The following ATL1 variants were observed in gnomAD, a reference collection of about 807,000 sequenced individuals.
The protein encoded by ATL1 is atlastin GTPase 1, also known as atlastin-1.
Under a neutral mutation model 75.5 loss-of-function variants are expected in ATL1, and 31 were observed. The observed-to-expected ratio is 0.41, with a 90% CI of 0.31 to 0.55. The LOEUF (loss-of-function observed/expected upper bound fraction) is 0.55, where lower values mean the gene tolerates loss of function less well. Among genes scored for constraint, ATL1 ranks in the 20% least tolerant of loss-of-function variants. The pLI, the probability that ATL1 is intolerant of heterozygous loss-of-function variation, is 0.27. For missense variants in ATL1, 405 were observed against 662.6 expected (o/e 0.61, Z 4.27); for synonymous variants, 226 against 233.3 (o/e 0.97, Z 0.28).
intron 4 of ATL1, among the ~76,000 whole-genome samples, chr14:50,592,739 G>A (rs898082053): frequency 9.3e-5 from 14 of 150,874 alleles, no homozygotes; most frequent in African/African-American, 2.2e-4. Context: ...GTGAAACCCC[G>A]TCTCTACTAA....
Position 50,632,283 on chromosome 14 carries a change from G to A in ATL1, c.1621G>A (p.Ala541Thr), listed in dbSNP as rs1472523447. The A allele has an allele frequency of 3.7e-6, 6 of 1,612,188 alleles. No individual in the cohort carries two copies. In the South Asian group the frequency reaches 5.5e-5, roughly 15 times the overall value. The change falls in exon 14 of 14, where the codon GCT (alanine) becomes ACT (threonine). Residue 541 changes from alanine (A) to threonine (T), a missense_variant. Around this residue, in one of 5 missense-constraint regions of ATL1, gnomAD observed 163 missense variants for 244.1 expected, o/e 0.67. Transcript: ENST00000358385. ...AACCCACAGACATCTGTATCATCAA[G>A]CTTTCCCTACACCAAAGTCGGAATC... ...AATHRHLYHQ[A>T]FPTPKSESTE...
At chr14:50,569,615 C>A (rs1595586448) in intron 1 of ATL1, among the ~76,000 whole-genome samples, 1 of 151,916 alleles carries the variant, frequency 6.6e-6, no homozygotes, top group Non-Finnish European at 1.5e-5. Context: ...TTAATGATTG[C>A]CCATGTATTT....
intron 8 of ATL1, among the ~76,000 whole-genome samples, chr14:50,616,455 G>GTTAT (rs200056004): frequency 0.017 from 2,336 of 141,288 alleles, 22 homozygotes; most frequent in Middle Eastern, 0.021. Context: ...ACCATGCCCG[G>GTTAT]TTATTTATTT....
At chr14:50,592,315 AG>A (rs2039166608) in intron 4 of ATL1, among the ~76,000 whole-genome samples, 2 of 152,186 alleles carry the variant, frequency 1.3e-5, no homozygotes, top group African/African-American at 4.8e-5. Context: ...AGAGTGGCCA[AG>A]GAACAGGGCA....
At chr14:50,597,421 T>C (rs1566726206) in intron 6 of ATL1, among the ~76,000 whole-genome samples, 2 of 151,882 alleles carry the variant, frequency 1.3e-5, no homozygotes, top group Non-Finnish European at 2.9e-5. Flanking sequence ...AACTAAACAA[T>C]ATGTTAAGAA....
At chr14:50,593,257 A>G (rs889696674) in intron 4 of ATL1, among the ~76,000 whole-genome samples, 1 of 152,042 alleles carries the variant, frequency 6.6e-6, no homozygotes, top group Non-Finnish European at 1.5e-5. Flanking sequence ...TCTGTTATTT[A>G]AATAAGTATA....
intron 1 of ATL1, among the ~76,000 whole-genome samples, chr14:50,578,638 T>C (rs1419308271): frequency 6.6e-6 from 1 of 152,208 alleles, no homozygotes; most frequent in Non-Finnish European, 1.5e-5. Flanking sequence ...CACACTGTAT[T>C]ATACTGAGTT....
chr14:50,617,944 A>C (rs190111083), intron 8 of ATL1, among the ~76,000 whole-genome samples: 1 of 152,204 alleles, frequency 6.6e-6, no homozygotes, highest in African/African-American at 2.4e-5. Context: ...ATTGGTTCCA[A>C]TGAGAACAAA....
intron 6 of ATL1, among the ~76,000 whole-genome samples, chr14:50,597,227 A>AAAAAAG (rs1555364381): frequency 2.7e-5 from 4 of 150,386 alleles, no homozygotes; most frequent in Non-Finnish European, 5.9e-5. Flanking sequence ...AAACAAAAAA[A>AAAAAAG]AAAAAAGAAA....
rs1008463737 is a variant in ATL1, at chr14:50,584,474, C to T, written c.35-3357C>T. On this transcript the variant is annotated intron_variant, in intron 1 of 13. Coordinates refer to ENST00000358385, the MANE Select transcript of ATL1 (RefSeq NM_015915.5). ...ATCCCAGCACTTTGGGAGGCCGAGG[C>T]GGGCAGATCACGAGGTCAGGAGATC... Among the ~76,000 whole-genome samples, 6 of 152,104 alleles carry T rather than the reference C, an allele frequency of 3.9e-5. No individual in the cohort carries two copies. The East Asian group carries it at 5.8e-4, about 15-fold the overall frequency.
chr14:50,604,822 A>G (rs945059797), intron 6 of ATL1, among the ~76,000 whole-genome samples: 3 of 152,094 alleles, frequency 2.0e-5, no homozygotes, highest in Non-Finnish European at 4.4e-5. Flanking sequence ...ATATTTCGTT[A>G]GTTAAGACTA....
At chr14:50,599,432 T>C (rs1444787935) in intron 6 of ATL1, among the ~76,000 whole-genome samples, 1 of 152,108 alleles carries the variant, frequency 6.6e-6, no homozygotes, top group Non-Finnish European at 1.5e-5. Context: ...AAAGCTAGGA[T>C]TTGGGAAAAT....
At chr14:50,579,306 T>C (rs1337215250) in intron 1 of ATL1, among the ~76,000 whole-genome samples, 1 of 152,202 alleles carries the variant, frequency 6.6e-6, no homozygotes, top group Non-Finnish European at 1.5e-5. Flanking sequence ...TGATTGTATA[T>C]GTGTGGGTCT....
At chr14:50,577,350 A>G (rs931242751) in intron 1 of ATL1, among the ~76,000 whole-genome samples, 1 of 152,212 alleles carries the variant, frequency 6.6e-6, no homozygotes, top group Non-Finnish European at 1.5e-5. Flanking sequence ...GGCCTGAGCC[A>G]CTGTGCCCAG....
chr14:50,556,070 T>A (rs1444451412), upstream of ATL1, among the ~76,000 whole-genome samples: 3 of 152,208 alleles, frequency 2.0e-5, no homozygotes, highest in African/African-American at 7.2e-5. Flanking sequence ...AGAGAGGATT[T>A]AAAGTACTAA....
chr14:50,584,578 G>A (rs555224901), intron 1 of ATL1, among the ~76,000 whole-genome samples: 91 of 152,012 alleles, frequency 6.0e-4, no homozygotes, highest in African/African-American at 2.1e-3. Flanking sequence ...GCGAGGTGGC[G>A]GGCACCTGTA....
At chr14:50,603,215 A>G (rs1405556393) in intron 6 of ATL1, among the ~76,000 whole-genome samples, 1 of 152,160 alleles carries the variant, frequency 6.6e-6, no homozygotes, top group Non-Finnish European at 1.5e-5. Flanking sequence ...TACATTTATT[A>G]TCTTCTCTTC....
chr14:50,631,977 G>C (rs1034019285), intron 13 of ATL1: 6 of 312,250 alleles, frequency 1.9e-5, no homozygotes, highest in Non-Finnish European at 3.6e-5. Flanking sequence ...GCTCCAAGAG[G>C]TATGCAAGGT....
At chr14:50,552,996 C>T (rs1326043280) in intron 1 of ATL1, among the ~76,000 whole-genome samples, 1 of 151,946 alleles carries the variant, frequency 6.6e-6, no homozygotes, top group African/African-American at 2.4e-5. Context: ...GCAACAAAAA[C>T]AAAAATAAAT....
Sources: allele counts gnomAD v4.1 joint callset (sites outside exome capture counted in the v4.1 genomes callset), GRCh38; gene constraint gnomAD v4.1.1; regional missense constraint gnomAD v4.1.1; transcripts MANE v1.5; gene names NCBI Gene and HGNC (gene_info 2026-07-23, HGNC 2026-07-21).